The following TGFB2 variants were observed in gnomAD, a reference collection of about 807,000 sequenced individuals.
TGFB2 encodes transforming growth factor beta-2 proprotein.
TGFB2 carries 13 observed loss-of-function variants against 42.7 expected under a neutral mutation model. That is an observed-to-expected ratio of 0.30 (90% confidence interval 0.20 to 0.48). TGFB2 has a LOEUF of 0.48. Ranked by LOEUF, TGFB2 falls within the 20% of genes least tolerant of loss-of-function variation. The pLI is 0.99. For synonymous variants in TGFB2, 193 were observed against 193.6 expected (o/e 1.00, Z 0.03); for missense variants, 390 against 517.5 (o/e 0.75, Z 2.39).
chr1:218,366,911 C>A (rs1483913980), intron 1 of TGFB2, among the ~76,000 whole-genome samples: 1 of 152,228 alleles, frequency 6.6e-6, no homozygotes, highest in Non-Finnish European at 1.5e-5. Context: ...CCTGAACCTA[C>A]AGCCCCTGTG....
At chr1:218,406,666 T>A (rs758664522) in intron 2 of TGFB2, among the ~76,000 whole-genome samples, 33 of 152,164 alleles carry the variant, frequency 2.2e-4, no homozygotes, top group Admixed American at 3.9e-4. Flanking sequence ...ACGTATCTAT[T>A]AAAACCTGAT....
intron 1 of TGFB2, among the ~76,000 whole-genome samples, chr1:218,375,866 C>T (rs1031520691): frequency 2.0e-5 from 3 of 152,100 alleles, no homozygotes; most frequent in African/African-American, 4.8e-5. Flanking sequence ...CACCATGGCA[C>T]GTTTACCTAT....
At chr1:218,391,240 A>G (rs1184087998) in intron 1 of TGFB2, among the ~76,000 whole-genome samples, 2 of 152,192 alleles carry the variant, frequency 1.3e-5, no homozygotes, top group Admixed American at 6.5e-5. Flanking sequence ...TTGCAGTAGG[A>G]CACAGCTGGC....
In TGFB2 at chr1:218,437,488, C is replaced by T. The variant is rs2102630186; in HGVS notation, c.1078C>T (p.His360Tyr). 2 of 1,611,320 alleles carry T rather than the reference C, an allele frequency of 1.2e-6. No individual in the cohort carries two copies. The highest frequency in any genetic ancestry group is 1.7e-6 in the Non-Finnish European group (2 of 1,178,860). Residue 360 changes from histidine to tyrosine, a missense_variant, in exon 6 of 7, where the codon CAC (histidine) becomes TAC (tyrosine). Coordinates refer to ENST00000366930, the MANE Select transcript of TGFB2 (RefSeq NM_003238.6). ...GTATTTATGGAGTTCAGACACTCAG[C>T]ACAGCAGGGTGAGTGTTCAGCTTAC... ...CPYLWSSDTQ[H>Y]SRVLSLYNTI...
chr1:218,410,662 G>C (rs1023996105), intron 2 of TGFB2, among the ~76,000 whole-genome samples: 1 of 152,106 alleles, frequency 6.6e-6, no homozygotes, highest in East Asian at 1.9e-4. Context: ...AGATAGTAAC[G>C]ATCTTTGCCA....
intron 2 of TGFB2, among the ~76,000 whole-genome samples, chr1:218,427,969 A>G (rs1447643757): frequency 1.3e-5 from 2 of 152,128 alleles, no homozygotes; most frequent in Non-Finnish European, 2.9e-5. Context: ...AAGTGTTCCT[A>G]TTTCTCCACA....
chr1:218,429,399 A>G (rs1659733066), intron 2 of TGFB2, among the ~76,000 whole-genome samples: 1 of 152,222 alleles, frequency 6.6e-6, no homozygotes, highest in Non-Finnish European at 1.5e-5. Context: ...GAGTTCATCC[A>G]TGTCATGTAG....
chr1:218,410,405 C>A (rs138451764), intron 2 of TGFB2, among the ~76,000 whole-genome samples: 1 of 152,170 alleles, frequency 6.6e-6, no homozygotes, highest in Admixed American at 6.5e-5. Context: ...TGTGAACTTA[C>A]GATTTTCATT....
chr1:218,398,658 G>A (rs1487263473), intron 1 of TGFB2, among the ~76,000 whole-genome samples: 1 of 151,692 alleles, frequency 6.6e-6, no homozygotes, highest in Admixed American at 6.6e-5. Context: ...TGCAATCTCG[G>A]CTCGCTGCAA....
At chr1:218,388,647 T>C (rs1437606541) in intron 1 of TGFB2, among the ~76,000 whole-genome samples, 1 of 152,216 alleles carries the variant, frequency 6.6e-6, no homozygotes, top group Non-Finnish European at 1.5e-5. Context: ...CGGGAGCCGC[T>C]GAATAGCTGA....
intron 2 of TGFB2, 146 bp from the exon 3 acceptor site, chr1:218,433,936 G>C: frequency 9.7e-7 from 1 of 1,034,860 alleles, no homozygotes; most frequent in Non-Finnish European, 1.4e-6. Context: ...TTATGCATGT[G>C]ACCATGCAAT....
intron 1 of TGFB2, among the ~76,000 whole-genome samples, chr1:218,348,868 C>T (rs1211845385): frequency 2.6e-5 from 4 of 152,140 alleles, no homozygotes; most frequent in Non-Finnish European, 4.4e-5. Context: ...GCCAGCACTT[C>T]TATAACACAG....
intron 1 of TGFB2, among the ~76,000 whole-genome samples, chr1:218,356,191 T>C (rs947305845): frequency 5.3e-5 from 8 of 152,290 alleles, no homozygotes; most frequent in Admixed American, 5.2e-4. Context: ...AGATTTACCA[T>C]TTGTTTCAAA....
intron 2 of TGFB2, among the ~76,000 whole-genome samples, chr1:218,425,163 C>T (rs757391677): frequency 2.6e-5 from 4 of 152,154 alleles, no homozygotes; most frequent in Non-Finnish European, 4.4e-5. Flanking sequence ...GCTTTGTTAA[C>T]ACACCTAAGT....
intron 1 of TGFB2, among the ~76,000 whole-genome samples, chr1:218,347,299 ATTCTC>A (rs986256643): frequency 3.9e-5 from 6 of 152,078 alleles, no homozygotes; most frequent in African/African-American, 1.4e-4. Context: ...AAAAGGCGTT[ATTCTC>A]TTTTTCTCTT....
chr1:218,346,919 G>T lies in TGFB2; in HGVS notation c.218G>T (p.Ser73Ile). The T allele has an allele frequency of 2.5e-6, 4 of 1,614,240 alleles. No homozygotes were observed. Among genetic ancestry groups the T allele is most frequent in the Non-Finnish European group, 3.4e-6 (4 of 1,180,050 alleles). Residue 73 changes from serine (S) to isoleucine (I), a missense_variant, in exon 1 of 7, where the codon AGC becomes ATC. Transcript: ENST00000366930. This position sits in a 1 kb window ranked among gnomAD's most constrained non-coding sequence, Gnocchi z 4.9. ...CCGGAGGTGATTTCCATCTACAACA[G>T]CACCAGGGACTTGCTCCAGGAGAAG... The part of the protein sequence containing the change: ...VPPEVISIYN[S>I]TRDLLQEKAS...
intron 1 of TGFB2, among the ~76,000 whole-genome samples, chr1:218,365,222 A>T (rs544047197): frequency 6.6e-6 from 1 of 151,908 alleles, no homozygotes; most frequent in East Asian, 1.9e-4. Flanking sequence ...TACCACAGAG[A>T]CCCCAAACTT....
At chr1:218,377,482 A>T (rs1488172091) in intron 1 of TGFB2, among the ~76,000 whole-genome samples, 1 of 151,962 alleles carries the variant, frequency 6.6e-6, no homozygotes, top group South Asian at 2.1e-4. Flanking sequence ...ATCAATAAAA[A>T]CCCCAGTAAA....
At chr1:218,425,759 C>T (rs953924356) in intron 2 of TGFB2, among the ~76,000 whole-genome samples, 1 of 152,138 alleles carries the variant, frequency 6.6e-6, no homozygotes, top group Non-Finnish European at 1.5e-5. Context: ...ATAGTGAGTT[C>T]ACGGTCATGA....
Sources: gnomAD v4.1 joint callset for allele counts (sites outside exome capture counted in the v4.1 genomes callset) on GRCh38, gnomAD v4.1.1 for gene constraint, Gnocchi (gnomAD v3.1) non-coding constraint, MANE v1.5 for transcripts, NCBI Gene and HGNC (gene_info 2026-07-23, HGNC 2026-07-21) for gene names.